Variants in PTPRT observed in about 807,000 individuals in gnomAD.
The protein encoded by PTPRT is receptor-type tyrosine-protein phosphatase T.
In PTPRT, 56 loss-of-function variants were observed where a neutral mutation model predicts 176.8. The observed-to-expected ratio is 0.32, with a 90% CI of 0.26 to 0.40. The LOEUF (loss-of-function observed/expected upper bound fraction) is 0.40, where lower values mean the gene tolerates loss of function less well. Among genes scored for constraint, PTPRT ranks in the 10% least tolerant of loss-of-function variants. The pLI is 1.00. For synonymous variants in PTPRT, 783 were observed against 739.0 expected (o/e 1.06, Z -0.96); for missense variants, 1,540 against 1,908.2 (o/e 0.81, Z 3.60).
intron 7 of PTPRT, among the ~76,000 whole-genome samples, chr20:42,632,057 TACCCCAGGC>T (rs913359189): frequency 3.9e-5 from 6 of 152,000 alleles, no homozygotes; most frequent in African/African-American, 1.5e-4. Flanking sequence ...GTCATGGAGG[TACCCCAGGC>T]CTATGTGACT....
At chr20:42,424,139 G>C (rs1326560958) in intron 9 of PTPRT, among the ~76,000 whole-genome samples, 1 of 152,076 alleles carries the variant, frequency 6.6e-6, no homozygotes, top group Non-Finnish European at 1.5e-5. Flanking sequence ...AAAGCATTTA[G>C]GTTTTTTATT....
intron 11 of PTPRT, among the ~76,000 whole-genome samples, chr20:42,334,401 T>G (rs537512620): frequency 1.3e-5 from 2 of 152,276 alleles, no homozygotes; most frequent in Admixed American, 6.5e-5. Context: ...AGGAAAAGGA[T>G]GTAAAAAGAA....
intron 1 of PTPRT, among the ~76,000 whole-genome samples, chr20:43,051,625 TAAAAAAAAA>T (rs35885799): frequency 1.1e-5 from 1 of 91,980 alleles, no homozygotes; most frequent in Non-Finnish European, 2.0e-5. Context: ...TCTGTAACTG[TAAAAAAAAA>T]AAAAAAAAAA....
intron 2 of PTPRT, among the ~76,000 whole-genome samples, chr20:42,876,081 A>G (rs1289402027): frequency 6.6e-6 from 1 of 152,108 alleles, no homozygotes. Flanking sequence ...TTTCTCTCTC[A>G]AAACACATCA....
chr20:42,472,149 G>C, intron 8 of PTPRT, 117 bp downstream of exon 8: 2 of 1,174,294 alleles, frequency 1.7e-6, no homozygotes, highest in Admixed American at 2.4e-5. Flanking sequence ...AGAAAAGAAA[G>C]GTGTGTGTGA....
intron 26 of PTPRT, 104 bp downstream of exon 26, chr20:42,102,020 G>C (rs1033254475): frequency 2.6e-5 from 35 of 1,355,212 alleles, no homozygotes; most frequent in Non-Finnish European, 3.4e-5. Flanking sequence ...AGCAGGGGGG[G>C]CTGGCTGGTG....
rs150191145 is a variant in PTPRT at position 43,119,017 on chromosome 20, T to C, written c.88+70629A>G. Among the ~76,000 whole-genome samples, 10 of 152,336 alleles carry C rather than the reference T, an allele frequency of 6.6e-5. No homozygotes were observed. The East Asian group carries it at 1.9e-3, about 29-fold the overall frequency. On this transcript the variant is annotated intron_variant, in intron 1 of 30. Transcript: ENST00000373187. ...CTGTTCATTAAAGCCCTTTTTACAA[T>C]AGTAAAATATTGCAACAATCTAAAT... is the stretch of plus-strand genomic sequence containing the variant.
chr20:42,174,419 A>G (rs1426024070), intron 16 of PTPRT, among the ~76,000 whole-genome samples: 1 of 152,198 alleles, frequency 6.6e-6, no homozygotes, highest in Non-Finnish European at 1.5e-5. Flanking sequence ...CAAGAAATGG[A>G]AAGCGACTCT....
chr20:42,231,379 A>G (rs1180725472), intron 15 of PTPRT, among the ~76,000 whole-genome samples: 1 of 152,236 alleles, frequency 6.6e-6, no homozygotes, highest in Non-Finnish European at 1.5e-5. Context: ...TGTGAGCAAT[A>G]GACAAGTCTT....
At chr20:42,893,291 C>A (rs1055260883) in intron 1 of PTPRT, among the ~76,000 whole-genome samples, 14 of 152,166 alleles carry the variant, frequency 9.2e-5, no homozygotes, top group African/African-American at 3.4e-4. Context: ...CAGAGAAATG[C>A]AAATCAAAAC....
intron 7 of PTPRT, among the ~76,000 whole-genome samples, chr20:42,606,286 C>T (rs905616585): frequency 4.6e-5 from 7 of 152,102 alleles, no homozygotes; most frequent in Non-Finnish European, 7.3e-5. Context: ...AGGCACCTAC[C>T]AAGGCTGATG....
rs1325961981 is a variant in PTPRT, at chr20:42,078,088, G to A, written c.*2791C>T. On this transcript the variant is annotated 3_prime_UTR_variant, in exon 31 of 31. Transcript: ENST00000373187. ...CCAGCTGGGGCATTGGGCTGGAGCCGAGGGAGGCCAGCAGGCCCAGTGGGG... is the reference window on the plus strand; with the variant it reads ...CCAGCTGGGGCATTGGGCTGGAGCCAAGGGAGGCCAGCAGGCCCAGTGGGG... 1.1e-5 allele frequency: 2 copies of A among 187,724 alleles called. No homozygotes were observed. Among genetic ancestry groups the A allele is most frequent in the Non-Finnish European group, 1.1e-5 (1 of 88,650 alleles). 11.6% of individuals were successfully genotyped at this position (187,724 alleles called of 1,614,324 possible). A position where few individuals can be genotyped will look rare whatever the true frequency, so the allele number is the denominator to read the frequency against.
chr20:42,672,786 CA>C (rs2075435703), intron 7 of PTPRT, among the ~76,000 whole-genome samples: 1 of 152,090 alleles, frequency 6.6e-6, no homozygotes, highest in African/African-American at 2.4e-5. Flanking sequence ...TTTTCTTAAT[CA>C]GTGACCTCTC....
intron 9 of PTPRT, among the ~76,000 whole-genome samples, chr20:42,387,882 C>A (rs560973713): frequency 1.6e-4 from 24 of 151,850 alleles, no homozygotes; most frequent in Admixed American, 4.6e-4. Flanking sequence ...ACCCCTACCT[C>A]CTGGGTTCAA....
At chr20:42,348,721 G>A (rs186222931) in intron 11 of PTPRT, among the ~76,000 whole-genome samples, 100 of 152,272 alleles carry the variant, frequency 6.6e-4, no homozygotes, top group African/African-American at 2.4e-3. Context: ...CATCTTTTCA[G>A]GGTAAACCAG....
At chr20:42,072,671 C>T (rs1454449510), downstream of PTPRT, 1 of 184,154 alleles carries the variant, frequency 5.4e-6, no homozygotes, top group African/African-American at 2.4e-5. Context: ...ATAAAGAAAC[C>T]TAGCTGATAA....
intron 1 of PTPRT, among the ~76,000 whole-genome samples, chr20:43,066,145 A>G (rs1397714220): frequency 6.6e-6 from 1 of 152,142 alleles, no homozygotes; most frequent in Non-Finnish European, 1.5e-5. Context: ...TTCCAAATTT[A>G]CATAAACTAT....
intron 7 of PTPRT, among the ~76,000 whole-genome samples, chr20:42,674,436 C>A (rs977544362): frequency 6.6e-6 from 1 of 152,096 alleles, no homozygotes; most frequent in Non-Finnish European, 1.5e-5. Flanking sequence ...GATCATCTTG[C>A]GATTGAATTT....
chr20:42,742,025 A>C (rs2146295977), intron 6 of PTPRT, among the ~76,000 whole-genome samples: 1 of 152,366 alleles, frequency 6.6e-6, no homozygotes, highest in Non-Finnish European at 1.5e-5. Context: ...GAAGAATAAA[A>C]GGTGGCGGTC....
Sources: allele counts gnomAD v4.1 joint callset (sites outside exome capture counted in the v4.1 genomes callset), GRCh38; gene constraint gnomAD v4.1.1; transcripts MANE v1.5; gene names NCBI Gene and HGNC (gene_info 2026-07-23, HGNC 2026-07-21).